The following DLGAP5 variants were observed in gnomAD, a reference collection of about 807,000 sequenced individuals.
DLGAP5 encodes the protein DLG associated protein 5, also known as disks large-associated protein 5.
Under a neutral mutation model 99.6 loss-of-function variants are expected in DLGAP5, and 90 were observed. The ratio of observed to expected loss-of-function variants is 0.90; its 90% CI spans 0.76 to 1.08. The LOEUF (loss-of-function observed/expected upper bound fraction) is 1.08, where lower values mean the gene tolerates loss of function less well. Among genes scored for constraint, DLGAP5 ranks in the 50% least tolerant of loss-of-function variants. The pLI is 0.00. For synonymous variants in DLGAP5, 311 were observed against 321.3 expected, an observed-to-expected ratio of 0.97 and a Z score of 0.34; for missense variants, 1,036 against 983.5, an observed-to-expected ratio of 1.05 and a Z score of -0.71.
intron 6 of DLGAP5, 119 bp from the exon 7 acceptor site, chr14:55,179,818 T>C (rs1193717264): frequency 2.7e-6 from 2 of 735,976 alleles, no homozygotes; most frequent in South Asian, 2.1e-5. Flanking sequence ...ATTTTTTTAT[T>C]AAAAGCCATA....
In DLGAP5 at chr14:55,180,754, G is replaced by A. The variant is rs565467543; in HGVS notation, c.605C>T (p.Ser202Leu). 8 of 1,614,020 alleles carry A rather than the reference G, an allele frequency of 5.0e-6. No individual in the cohort carries two copies. The highest frequency in any genetic ancestry group is 1.3e-5 in the African/African-American group (1 of 74,978). The change falls in exon 6 of 19, where the codon TCG (serine) becomes TTG (leucine). Residue 202 changes from serine to leucine, a missense_variant. Coordinates refer to ENST00000247191, the MANE Select transcript of DLGAP5 (RefSeq NM_014750.5). The stretch of plus-strand genomic sequence containing the variant: ...AGTAGCTGATCGAGTCATTCTCAAC[G>A]ACGTGGGCATTACAGGCTGCACAAC... ...KKVVQPVMPT[S>L]LRMTRSATQA...
intron 18 of DLGAP5, chr14:55,150,329 T>G (rs1459511292): frequency 6.5e-6 from 1 of 154,576 alleles, no homozygotes; most frequent in Non-Finnish European, 1.4e-5. Flanking sequence ...ATGAGAGAGA[T>G]AAGAGCTTTT....
chr14:55,172,326 TA>T (rs1252402894), intron 10 of DLGAP5, among the ~76,000 whole-genome samples: 30 of 101,810 alleles, frequency 2.9e-4, no homozygotes, highest in East Asian at 5.5e-4. Context: ...AATCTCTACT[TA>T]AAAAAAAAAA....
At chr14:55,169,649 T>C in intron 11 of DLGAP5, 90 bp from the exon 12 acceptor site, 2 of 1,147,266 alleles carry the variant, frequency 1.7e-6, no homozygotes, top group East Asian at 2.7e-5. Context: ...ACTCCAAACA[T>C]CCTAGGGCCT....
rs1412149617 is a variant in DLGAP5, at chr14:55,182,321, A to G, written c.495+49T>C. The G allele has an allele frequency of 4.7e-6, 7 of 1,489,406 alleles. No homozygotes were observed. In the South Asian group the frequency reaches 8.4e-5, roughly 18 times the overall value. The allele number at this position is 1,489,406 out of a possible 1,614,324, so 92.3% of individuals were successfully genotyped here. A position where few individuals can be genotyped will look rare whatever the true frequency, so the allele number is the denominator to read the frequency against. ...GATTTAAAATGAATTTACTTACTAA[A>G]AAAGTGCAATTTATCATTTTAGTAA... On this transcript the variant is annotated intron_variant, in intron 4 of 18. Transcript: ENST00000247191.
At chr14:55,176,073 A>AT (rs1180505676) in intron 8 of DLGAP5, 55 bp from the exon 9 acceptor site, 3 of 1,453,308 alleles carry the variant, frequency 2.1e-6, no homozygotes, top group Non-Finnish European at 1.8e-6. Flanking sequence ...TATATCTAAT[A>AT]TAAAGGGTTT....
At chr14:55,179,111 A>G (rs1215805162) in intron 7 of DLGAP5, among the ~76,000 whole-genome samples, 1 of 152,140 alleles carries the variant, frequency 6.6e-6, no homozygotes, top group Non-Finnish European at 1.5e-5. Flanking sequence ...GGGTCCTCAA[A>G]TGGGGCATCT....
chr14:55,182,352 A>T lies in DLGAP5; in HGVS notation c.495+18T>A. 1.3e-6 allele frequency: 2 copies of T among 1,596,672 alleles called. No individual in the cohort carries two copies. Among genetic ancestry groups the T allele is most frequent in the Non-Finnish European group, 8.5e-7 (1 of 1,172,022 alleles). The stretch of plus-strand genomic sequence containing the variant: ...GCAATTTATCATTTTAGTAACAATT[A>T]TCTACTATCAACTATACCTTAGTCT... On this transcript the variant is annotated intron_variant, in intron 4 of 18. Coordinates refer to ENST00000247191, the MANE Select transcript of DLGAP5 (RefSeq NM_014750.5).
At chr14:55,189,319 C>G (rs899473126) in intron 1 of DLGAP5, 139 bp from the exon 2 acceptor site, 9 of 696,826 alleles carry the variant, frequency 1.3e-5, no homozygotes, top group Non-Finnish European at 2.2e-5. Flanking sequence ...ATATGTAACA[C>G]TGAAAAGTGA....
At chr14:55,182,471 C>A in intron 3 of DLGAP5, 39 bp from the exon 4 acceptor site, 1 of 1,543,584 alleles carries the variant, frequency 6.5e-7, no homozygotes, top group East Asian at 2.3e-5. Context: ...AAAATATGAA[C>A]TGGTAAAGGT....
chr14:55,186,058 G>A (rs894431061), intron 2 of DLGAP5, among the ~76,000 whole-genome samples: 12 of 152,260 alleles, frequency 7.9e-5, no homozygotes, highest in African/African-American at 2.6e-4. Context: ...TTCATCTGAG[G>A]TTGGGAGTTT....
chr14:55,160,280 A>G (rs572275704), intron 13 of DLGAP5, among the ~76,000 whole-genome samples: 2 of 151,134 alleles, frequency 1.3e-5, no homozygotes, highest in Non-Finnish European at 3.0e-5. Flanking sequence ...CTGTAATCCC[A>G]GCTACTTGGG....
chr14:55,150,052 CAAA>C (rs559049001), intron 18 of DLGAP5, among the ~76,000 whole-genome samples: 5 of 93,296 alleles, frequency 5.4e-5, no homozygotes, highest in Admixed American at 2.4e-4. Context: ...AACTCTGTCT[CAAA>C]AAAAAAAAAA....
At chr14:55,151,993 A>G (rs772375253) in intron 16 of DLGAP5, 52 bp from the exon 17 acceptor site, 3 of 1,554,200 alleles carry the variant, frequency 1.9e-6, no homozygotes, top group Non-Finnish European at 2.6e-6. Flanking sequence ...TACTTGGAAC[A>G]AATTTTAAAA....
rs988974460 is a variant in DLGAP5, at chr14:55,148,140, T to C, written c.*211A>G. The C allele has an allele frequency of 5.0e-4, 269 of 540,648 alleles. 1 individual carries two copies. The highest frequency in any genetic ancestry group is 7.9e-5 in the Non-Finnish European group (25 of 314,898). The allele number at this position is 540,648 out of a possible 1,614,324, so 33.5% of individuals were successfully genotyped here. On this transcript the variant is annotated 3_prime_UTR_variant, in exon 19 of 19. Transcript: ENST00000247191. ...TTTAAACAAGAGAGGCAAGGCACAG[T>C]ACATTTTTTATTCTGTGTTGAAAAT... is the stretch of plus-strand genomic sequence containing the variant.
chr14:55,176,442 T>A (rs1473246655), intron 8 of DLGAP5, among the ~76,000 whole-genome samples: 10 of 152,250 alleles, frequency 6.6e-5, no homozygotes, highest in Non-Finnish European at 1.3e-4. Context: ...GAAAAAGTCG[T>A]ATCTGAGCTA....
At chr14:55,165,930 CAG>C (rs1882627052) in intron 12 of DLGAP5, among the ~76,000 whole-genome samples, 1 of 152,088 alleles carries the variant, frequency 6.6e-6, no homozygotes, top group Non-Finnish European at 1.5e-5. Flanking sequence ...TGTCGAAAAA[CAG>C]AACACTCATA....
rs1882036443 is a variant in DLGAP5 at position 55,151,999 on chromosome 14, TAA to T, written c.2122-60_2122-59del. On this transcript the variant is annotated intron_variant, in intron 16 of 18. Transcript: ENST00000247191. ...CAATTTAATTACTTGGAACAAATTT[TAA>T]AAGTCTTGTTGCTATTAAATACAAG... 8 of 1,539,104 alleles carry T rather than the reference TAA, an allele frequency of 5.2e-6. No homozygotes were observed. The East Asian group carries it at 1.1e-4, about 22-fold the overall frequency.
chr14:55,165,878 G>A (rs545697062), intron 12 of DLGAP5, among the ~76,000 whole-genome samples: 41 of 152,238 alleles, frequency 2.7e-4, no homozygotes, highest in African/African-American at 9.6e-4. Flanking sequence ...GCTGATAAGG[G>A]GGGGCTACTA....
Sources: allele counts gnomAD v4.1 joint callset (sites outside exome capture counted in the v4.1 genomes callset), GRCh38; gene constraint gnomAD v4.1.1; transcripts MANE v1.5; gene names NCBI Gene and HGNC (gene_info 2026-07-23, HGNC 2026-07-21).